The following UBE3A variants were observed in gnomAD, a reference collection of about 807,000 sequenced individuals.
The protein encoded by UBE3A is ubiquitin protein ligase E3A.
A neutral mutation model predicts 83.4 loss-of-function variants in UBE3A; 6 were observed. That is an observed-to-expected ratio of 0.07 (90% confidence interval 0.04 to 0.14). The LOEUF (loss-of-function observed/expected upper bound fraction) is 0.14. Among genes scored for constraint, UBE3A ranks in the 10% least tolerant of loss-of-function variants. UBE3A has a pLI of 1.00. For missense variants in UBE3A, 456 were observed against 1,036.1 expected, an observed-to-expected ratio of 0.44 and a Z score of 7.69; for synonymous variants, 337 against 355.4, an observed-to-expected ratio of 0.95 and a Z score of 0.58.
intron 1 of UBE3A, chr15:25,417,868 C>A (rs866917007): frequency 4.6e-5 from 7 of 151,138 alleles, no homozygotes; most frequent in African/African-American, 1.7e-4. Context: ...GAAACAATGG[C>A]AACAATCTTC....
At chr15:25,344,574 CTG>C (rs1169544626) in intron 11 of UBE3A, among the ~76,000 whole-genome samples, 3 of 152,122 alleles carry the variant, frequency 2.0e-5, no homozygotes, top group Non-Finnish European at 4.4e-5. Flanking sequence ...AGAGTAATGA[CTG>C]TGAAACGTAT....
Position 25,370,872 on chromosome 15 carries a change from C to T in UBE3A, c.1302G>A (p.Leu434=). ...AAGGGATAAGTGGTTTTCGACAATC[C>T]AGGGTTTTAACACCAAGTTCAGTTT... ...PLETELGVKT[L]DCRKPLIPFE... The change falls in exon 6 of 13, where the codon CTG becomes CTA. Residue 434 remains leucine (L), a synonymous_variant. Transcript: ENST00000648336. This position sits in a 1 kb window ranked among gnomAD's most constrained non-coding sequence, Gnocchi z 4.2. 1 of 1,613,984 alleles carries T rather than the reference C, an allele frequency of 6.2e-7. No individual in the cohort carries two copies. The highest frequency in any genetic ancestry group is 8.5e-7 in the Non-Finnish European group (1 of 1,179,982).
chr15:25,412,576 A>G (rs1267941987), intron 1 of UBE3A, among the ~76,000 whole-genome samples: 1 of 152,244 alleles, frequency 6.6e-6, no homozygotes, highest in Non-Finnish European at 1.5e-5. Context: ...TAACTCTTAA[A>G]AAAAAATCCT....
intron 11 of UBE3A, among the ~76,000 whole-genome samples, chr15:25,349,852 G>A (rs1204598354): frequency 6.6e-6 from 1 of 152,112 alleles, no homozygotes; most frequent in Non-Finnish European, 1.5e-5. Context: ...ATAACCAGTA[G>A]ACTAAAAGTG....
intron 3 of UBE3A, 123 bp downstream of exon 3, chr15:25,408,965 C>A: frequency 9.7e-7 from 1 of 1,027,302 alleles, no homozygotes; most frequent in South Asian, 1.7e-5. Flanking sequence ...TGAAGTAGGT[C>A]AACTCTCAGG....
At chr15:25,385,997 C>G (rs182437085) in intron 4 of UBE3A, among the ~76,000 whole-genome samples, 180 of 152,292 alleles carry the variant, frequency 1.2e-3, no homozygotes, top group Non-Finnish European at 1.7e-3. Flanking sequence ...CTATTCCAGT[C>G]TTAACAAGGT....
At chr15:25,427,032 C>CA (rs377097095) in intron 1 of UBE3A, among the ~76,000 whole-genome samples, 67 of 152,176 alleles carry the variant, frequency 4.4e-4, no homozygotes, top group African/African-American at 1.6e-3. Flanking sequence ...GTGACTCTCT[C>CA]ACCTCTGCCT....
At chr15:25,340,596 A>C (rs1426839701) in intron 11 of UBE3A, among the ~76,000 whole-genome samples, 1 of 152,192 alleles carries the variant, frequency 6.6e-6, no homozygotes. Flanking sequence ...GAATATTTGG[A>C]AAAATTAACT....
intron 1 of UBE3A, among the ~76,000 whole-genome samples, chr15:25,436,737 A>G (rs528147234): frequency 6.6e-6 from 1 of 152,290 alleles, no homozygotes; most frequent in Admixed American, 6.5e-5. Context: ...TACCTTTCTT[A>G]GGAAGTTATT....
rs370238150 is a variant in UBE3A, at chr15:25,364,036, T to TAATAAATAAATAAATAAATA, written c.1609-3529_1609-3510dup. Among the ~76,000 whole-genome samples, 682 of 137,606 alleles carry TAATAAATAAATAAATAAATA rather than the reference T, an allele frequency of 5.0e-3. 3 individuals are homozygous for TAATAAATAAATAAATAAATA. Among genetic ancestry groups the TAATAAATAAATAAATAAATA allele is most frequent in the African/African-American group, 0.01 (378 of 36,320 alleles). 90.3% of individuals were successfully genotyped at this position (137,606 alleles called of 152,430 possible). A position where few individuals can be genotyped will look rare whatever the true frequency, so the allele number is the denominator to read the frequency against. On this transcript the variant is annotated intron_variant, in intron 6 of 12. Coordinates refer to ENST00000648336, the MANE Select transcript of UBE3A (RefSeq NM_130839.5). ...ATGAAACCTTGTTTCTACAAAAAAC[T>TAATAAATAAATAAATAAATA]AATAAATAAATAAATAAATAAATAA... is the stretch of plus-strand genomic sequence containing the variant.
chr15:25,372,992 T>C (rs73366217), intron 5 of UBE3A, among the ~76,000 whole-genome samples: 1,991 of 152,274 alleles, frequency 0.013, 42 homozygotes, highest in African/African-American at 0.046. Flanking sequence ...AATTTTATCA[T>C]ACTAAGGATC....
Position 25,409,139 on chromosome 15 carries a change from T to C in UBE3A, c.-32A>G, listed in dbSNP as rs576873057. ...ACATCAGGGTGATCACAGCTTTGAG[T>C]CACTGATTAAAAACAGGTTGTCACA... On this transcript the variant is annotated 5_prime_UTR_variant, in exon 3 of 13. Coordinates refer to ENST00000648336, the MANE Select transcript of UBE3A (RefSeq NM_130839.5). 5.0e-6 allele frequency: 8 copies of C among 1,593,002 alleles called. No homozygotes were observed. The Admixed American group carries it at 1.4e-4, about 27-fold the overall frequency.
chr15:25,380,290 G>A (rs2152885347), intron 4 of UBE3A, among the ~76,000 whole-genome samples: 1 of 152,058 alleles, frequency 6.6e-6, no homozygotes, highest in South Asian at 2.1e-4. Context: ...CGTGAAAAAG[G>A]ACTAATACAA....
chr15:25,352,133 T>C (rs962870984), intron 11 of UBE3A, among the ~76,000 whole-genome samples: 1 of 152,148 alleles, frequency 6.6e-6, no homozygotes, highest in Non-Finnish European at 1.5e-5. Context: ...AAGCGGAGGT[T>C]GCAGTGAACT....
chr15:25,335,990 A>C lies in UBE3A; in HGVS notation c.*3147T>G, dbSNP rs1012199406. ...ATCCTTGAAGACTGTACTTTCGGTG[A>C]AACTACCATGCATTAGTAGCCTTTC... On this transcript the variant is annotated 3_prime_UTR_variant, in exon 13 of 13. Coordinates refer to ENST00000648336, the MANE Select transcript of UBE3A (RefSeq NM_130839.5). 5 of 152,196 alleles carry C rather than the reference A, an allele frequency of 3.3e-5. No homozygotes were observed. Among genetic ancestry groups the C allele is most frequent in the African/African-American group, 1.2e-4 (5 of 41,440 alleles). The allele number at this position is 152,196 out of a possible 1,614,324, so 9.4% of individuals were successfully genotyped here.
intron 11 of UBE3A, among the ~76,000 whole-genome samples, chr15:25,352,586 GT>G (rs1165349779): frequency 6.6e-6 from 1 of 152,200 alleles, no homozygotes; most frequent in Admixed American, 6.5e-5. Flanking sequence ...AATGGTGCTG[GT>G]AGACCTGCTT....
intron 11 of UBE3A, among the ~76,000 whole-genome samples, chr15:25,341,687 T>C (rs2074835202): frequency 7.1e-6 from 1 of 140,580 alleles, no homozygotes; most frequent in Non-Finnish European, 1.5e-5. Context: ...TGCTTGAACA[T>C]GGGAGGCGGA....
intron 4 of UBE3A, among the ~76,000 whole-genome samples, chr15:25,402,913 G>A (rs1358082470): frequency 6.6e-6 from 1 of 152,154 alleles, no homozygotes; most frequent in Non-Finnish European, 1.5e-5. Flanking sequence ...GTGCTAGTCT[G>A]CCATCTTGCT....
chr15:25,388,926 T>C (rs1258888294), intron 4 of UBE3A, among the ~76,000 whole-genome samples: 3 of 152,100 alleles, frequency 2.0e-5, no homozygotes, highest in Non-Finnish European at 4.4e-5. Context: ...GTACAAGATA[T>C]ATGAGGAAAA....
Sources: allele counts gnomAD v4.1 joint callset (sites outside exome capture counted in the v4.1 genomes callset), GRCh38; gene constraint gnomAD v4.1.1; non-coding constraint Gnocchi (gnomAD v3.1); transcripts MANE v1.5; gene names NCBI Gene and HGNC (gene_info 2026-07-23, HGNC 2026-07-21).